The following DLG5 variants were observed in gnomAD, a reference collection of about 807,000 sequenced individuals.
The protein encoded by DLG5 is discs large MAGUK scaffold protein 5, also known as disks large homolog 5.
Under a neutral mutation model 189.8 loss-of-function variants are expected in DLG5, and 48 were observed. That is an observed-to-expected ratio of 0.25 (90% CI 0.20 to 0.32). The LOEUF is 0.32. Among genes scored for constraint, DLG5 ranks in the 10% least tolerant of loss-of-function variants. The probability of loss-of-function intolerance (pLI) is 1.00; values close to 1 mark genes in which losing one functional copy is unlikely to be tolerated. For missense variants in DLG5, 2,160 were observed against 2,544.7 expected, an observed-to-expected ratio of 0.85 and a Z score of 3.25; for synonymous variants, 1,016 against 1,054.1, an observed-to-expected ratio of 0.96 and a Z score of 0.70.
At chr10:77,922,139 T>C (rs1383534571) in intron 1 of DLG5, among the ~76,000 whole-genome samples, 1 of 152,160 alleles carries the variant, frequency 6.6e-6, no homozygotes, top group African/African-American at 2.4e-5. Context: ...AATTACATCC[T>C]GTGCACCCCG....
At chr10:77,792,837 T>C (rs563849939) in intron 31 of DLG5, 13 of 419,950 alleles carry the variant, frequency 3.1e-5, no homozygotes, top group African/African-American at 2.4e-4. Context: ...TTGGAGGACA[T>C]GTGGCGGTGG....
intron 7 of DLG5, among the ~76,000 whole-genome samples, chr10:77,840,576 G>A (rs1056488566): frequency 8.5e-5 from 13 of 152,166 alleles, no homozygotes; most frequent in African/African-American, 1.4e-4. Flanking sequence ...AAAATTAGCC[G>A]GGCGTGGTGG....
At chr10:77,884,453 G>A (rs577031939) in intron 1 of DLG5, among the ~76,000 whole-genome samples, 1 of 152,100 alleles carries the variant, frequency 6.6e-6, no homozygotes, top group South Asian at 2.1e-4. Flanking sequence ...GATCAGCAAC[G>A]TCTGCCTTGG....
At chr10:77,846,458 G>GGA (rs1007756450) in intron 5 of DLG5, among the ~76,000 whole-genome samples, 4 of 152,106 alleles carry the variant, frequency 2.6e-5, no homozygotes, top group African/African-American at 9.7e-5. Flanking sequence ...CAGCACTTTG[G>GGA]GAGGCCGAGG....
chr10:77,820,551 T>C (rs1203470331), intron 15 of DLG5: 3 of 167,446 alleles, frequency 1.8e-5, no homozygotes, highest in Non-Finnish European at 3.9e-5. Context: ...TTCACAGAGA[T>C]CACGTAAAAG....
chr10:77,850,891 G>T (rs954478175), intron 5 of DLG5, among the ~76,000 whole-genome samples: 2 of 152,218 alleles, frequency 1.3e-5, no homozygotes, highest in African/African-American at 4.8e-5. Context: ...CCGAGGTGGA[G>T]CCACATACAC....
chr10:77,807,942 A>T lies in DLG5; in HGVS notation c.4650T>A (p.Tyr1550Ter). 6.2e-7 allele frequency: 1 copy of T among 1,614,106 alleles called. No individual in the cohort carries two copies. The highest frequency in any genetic ancestry group is 8.5e-7 in the Non-Finnish European group (1 of 1,180,004). ...TCTTGTTCCGCACGTCCAGGCTGCC[A>T]TACTGCCAGGGATGGGGGTGGATGC... ...GLVPGDLILE[Y>*]GSLDVRNKTV... Residue 1550 changes from tyrosine to a stop codon, truncating the protein, a stop_gained and splice_region_variant, in exon 25 of 32, where the codon TAT becomes TAA. Transcript: ENST00000372391. LOFTEE classifies it high-confidence loss of function.
chr10:77,869,260 A>T, intron 1 of DLG5, 63 bp from the exon 2 acceptor site: 2 of 1,498,024 alleles, frequency 1.3e-6, no homozygotes, highest in South Asian at 2.3e-5. Flanking sequence ...ACCCCAAGCC[A>T]GCTGATCATC....
chr10:77,854,435 G>C, intron 3 of DLG5, 65 bp from the exon 4 acceptor site: 1 of 1,591,410 alleles, frequency 6.3e-7, no homozygotes, highest in Non-Finnish European at 8.5e-7. Context: ...AGAGGAACCA[G>C]GTCCTGGATT....
rs140627023 is a variant in DLG5 at position 77,891,315 on chromosome 10, C to T, written c.305-22118G>A. Among the ~76,000 whole-genome samples the T allele has an allele frequency of 1.5e-3, 229 of 152,268 alleles. 2 individuals are homozygous for T. The highest frequency in any genetic ancestry group is 5.4e-3 in the African/African-American group (224 of 41,548). On this transcript the variant is annotated intron_variant, in intron 1 of 31. Transcript: ENST00000372391. ...GTGAAATCCTCAATGATTTATGTGC[C>T]GCAAGGAGCTCCCAATTTTCATTTT...
intron 15 of DLG5, chr10:77,820,533 A>G (rs1052721420): frequency 6.0e-6 from 1 of 166,798 alleles, no homozygotes; most frequent in Non-Finnish European, 1.3e-5. Flanking sequence ...ACCACAGAGA[A>G]TGAATCTTTC....
rs762892858 is a variant in DLG5 at position 77,812,071 on chromosome 10, A to G, written c.4189-14T>C. On this transcript the variant is annotated splice_polypyrimidine_tract_variant and intron_variant, in intron 21 of 31. Coordinates refer to ENST00000372391, the MANE Select transcript of DLG5 (RefSeq NM_004747.4). ...TATGCCGTTGAACTGGGGAAACACC[A>G]GGATGGGCTCAGTGGGGGGGTCGGG... 6.2e-7 allele frequency: 1 copy of G among 1,608,410 alleles called. No individual in the cohort carries two copies. The highest frequency in any genetic ancestry group is 1.1e-5 in the South Asian group (1 of 91,066).
At chr10:77,823,671 C>T (rs907003852) in intron 14 of DLG5, among the ~76,000 whole-genome samples, 2 of 152,108 alleles carry the variant, frequency 1.3e-5, no homozygotes, top group African/African-American at 4.8e-5. Context: ...GCTGGGATTA[C>T]AGGAATGCAC....
At chr10:77,920,836 G>A (rs1378212105) in intron 1 of DLG5, among the ~76,000 whole-genome samples, 1 of 152,122 alleles carries the variant, frequency 6.6e-6, no homozygotes, top group Admixed American at 6.6e-5. Flanking sequence ...ACGTCCCAAA[G>A]GCCAGTTTCC....
chr10:77,901,127 AAAAAG>A (rs1382973136), intron 1 of DLG5, among the ~76,000 whole-genome samples: 4 of 151,858 alleles, frequency 2.6e-5, no homozygotes, highest in East Asian at 1.9e-4. Flanking sequence ...AAAAAAAAAA[AAAAAG>A]AAAAGAGAAG....
chr10:77,818,175 A>G (rs1215688838), intron 17 of DLG5, among the ~76,000 whole-genome samples: 1 of 152,070 alleles, frequency 6.6e-6, no homozygotes, highest in African/African-American at 2.4e-5. Context: ...AGTGATAAAA[A>G]ACAGAGGTTT....
In DLG5 at chr10:77,926,088, G is replaced by T; in HGVS notation, c.304+129C>A. ...CCGCGCACCGCCGCCTCCCCAACTG[G>T]GCCAGAGGAGCGAGTCCACCGAGGC... is the stretch of plus-strand genomic sequence containing the variant. On this transcript the variant is annotated intron_variant, in intron 1 of 31. Coordinates refer to ENST00000372391, the MANE Select transcript of DLG5 (RefSeq NM_004747.4). This position sits in a 1 kb window ranked among gnomAD's most constrained non-coding sequence, Gnocchi z 5.2. 1 of 1,026,406 alleles carries T rather than the reference G, an allele frequency of 9.7e-7. No individual in the cohort carries two copies. 63.6% of individuals were successfully genotyped at this position (1,026,406 alleles called of 1,614,324 possible).
In DLG5 at chr10:77,806,797, G is replaced by A; in HGVS notation, c.4928C>T (p.Ala1643Val). The A allele has an allele frequency of 3.1e-6, 5 of 1,613,814 alleles. No individual in the cohort carries two copies. In the East Asian group the frequency reaches 1.1e-4, roughly 36 times the overall value. Residue 1643 changes from alanine (A) to valine (V), a missense_variant, in exon 26 of 32, where the codon GCC (alanine) becomes GTC (valine). Coordinates refer to ENST00000372391, the MANE Select transcript of DLG5 (RefSeq NM_004747.4). ...AATCTGCCCGCGCTGGATCTTCTGG[G>A]CATTCTCGTCCAGCTGCCAAGCCAT... ...SWMAWQLDEN[A>V]QKIQRGQIPS...
intron 5 of DLG5, among the ~76,000 whole-genome samples, chr10:77,853,147 A>ATTTT (rs71030909): frequency 1.4e-5 from 2 of 143,810 alleles, no homozygotes; most frequent in Non-Finnish European, 1.5e-5. Flanking sequence ...TGTCCAGCTA[A>ATTTT]TTTTTTTTTT....
Sources: gnomAD v4.1 joint callset for allele counts (sites outside exome capture counted in the v4.1 genomes callset) on GRCh38, gnomAD v4.1.1 for gene constraint, Gnocchi (gnomAD v3.1) non-coding constraint, MANE v1.5 for transcripts, NCBI Gene and HGNC (gene_info 2026-07-23, HGNC 2026-07-21) for gene names.